Variants in STAT3 observed in about 807,000 individuals in gnomAD.
STAT3 encodes the protein DNA-binding protein APRF.
STAT3 carries 7 observed loss-of-function variants against 114.3 expected under a neutral mutation model. That is an observed-to-expected ratio of 0.06 (90% CI 0.03 to 0.11). The LOEUF (loss-of-function observed/expected upper bound fraction) is 0.11, where lower values mean the gene tolerates loss of function less well. Ranked by LOEUF, STAT3 falls within the 10% of genes least tolerant of loss-of-function variation. The pLI is 1.00. For missense variants in STAT3, 364 were observed against 960.9 expected (o/e 0.38, Z 8.21); for synonymous variants, 331 against 354.5 (o/e 0.93, Z 0.74).
chr17:42,353,954 C>T (rs2083098112), intron 1 of STAT3, among the ~76,000 whole-genome samples: 1 of 152,152 alleles, frequency 6.6e-6, no homozygotes, highest in African/African-American at 2.4e-5. Flanking sequence ...CAAATTAAAT[C>T]ATGAAACAGC....
At chr17:42,367,907 C>G (rs957971) in intron 1 of STAT3, among the ~76,000 whole-genome samples, 80,605 of 152,148 alleles carry the variant, frequency 0.53, 24,319 homozygotes, top group Admixed American at 0.71. Context: ...ACTGAAGTAC[C>G]ATAGGAGGTT....
chr17:42,326,591 G>A (rs1323425615), intron 14 of STAT3, among the ~76,000 whole-genome samples: 1 of 151,974 alleles, frequency 6.6e-6, no homozygotes, highest in Admixed American at 6.6e-5. Flanking sequence ...GGCCGAGGCA[G>A]GTGGATCACA....
At position 42,358,933 on chromosome 17, in the gene STAT3, CT is replaced by C. The variant is rs35099574; in HGVS notation, c.-23-10395del. On this transcript the variant is annotated intron_variant, in intron 1 of 23. Coordinates refer to ENST00000264657, the MANE Select transcript of STAT3 (RefSeq NM_139276.3). ...GTCTCCCTTTCATGGACATTTCTTA[CT>C]TTTTTTTTTTTTTTTTTTGAGATGT... Among the ~76,000 whole-genome samples the C allele has an allele frequency of 6.8e-3, 682 of 100,434 alleles. 12 individuals carry two copies. The highest frequency in any genetic ancestry group is 0.025 in the African/African-American group (641 of 25,500). 65.9% of individuals were successfully genotyped at this position (100,434 alleles called of 152,430 possible).
intron 8 of STAT3, 69 bp from the exon 9 acceptor site, chr17:42,334,118 G>C: frequency 3.2e-6 from 5 of 1,563,522 alleles, no homozygotes; most frequent in Non-Finnish European, 3.5e-6. Context: ...AGAAGGGGAA[G>C]GAAATACTGA....
At chr17:42,336,972 TTA>T (rs2082254089) in intron 8 of STAT3, among the ~76,000 whole-genome samples, 1 of 151,916 alleles carries the variant, frequency 6.6e-6, no homozygotes, top group Non-Finnish European at 1.5e-5. Context: ...AGTAAAAACT[TTA>T]TTTTATTTTT....
At chr17:42,370,498 G>C (rs1051279701) in intron 1 of STAT3, among the ~76,000 whole-genome samples, 1 of 150,756 alleles carries the variant, frequency 6.6e-6, no homozygotes, top group Non-Finnish European at 1.5e-5. Flanking sequence ...TGCCCATCTC[G>C]GGTGATCTGC....
chr17:42,386,458 T>C (rs12946874), intron 1 of STAT3, among the ~76,000 whole-genome samples: 1 of 152,142 alleles, frequency 6.6e-6, no homozygotes, highest in Non-Finnish European at 1.5e-5. Flanking sequence ...TCACAAGTCC[T>C]TTGTGGGTTA....
intron 1 of STAT3, among the ~76,000 whole-genome samples, chr17:42,353,347 C>CAAAAAAAAAAAA (rs10659012): frequency 1.2e-5 from 1 of 80,824 alleles, no homozygotes. Flanking sequence ...GACTGCATAT[C>CAAAAAAAAAAAA]AAAAAAAAAA....
At chr17:42,316,323 C>A in intron 23 of STAT3, 3 of 358,304 alleles carry the variant, frequency 8.4e-6, no homozygotes, top group South Asian at 4.4e-5. Flanking sequence ...GCAACCTCCA[C>A]CTCCCAGGCT....
intron 4 of STAT3, among the ~76,000 whole-genome samples, chr17:42,343,760 T>C (rs1179802274): frequency 2.6e-5 from 4 of 152,086 alleles, no homozygotes; most frequent in Non-Finnish European, 5.9e-5. Context: ...GCCCAGATCT[T>C]TACTTTCATT....
Position 42,333,753 on chromosome 17 carries a change from C to T in STAT3, c.969G>A (p.Val323=). The T allele has an allele frequency of 6.2e-7, 1 of 1,614,200 alleles. No individual in the cohort carries two copies. Among genetic ancestry groups the T allele is most frequent in the Non-Finnish European group, 8.5e-7 (1 of 1,180,044 alleles). ...GCATGGGCATGCAGGGCTGCCGCTC[C>T]ACCACAAAGGCACTGAGGAAAGAGA... ...FRNLMKSAFV[V]ERQPCMPMHP... The change falls in exon 10 of 24, where the codon GTG becomes GTA. Residue 323 remains valine, a synonymous_variant. Coordinates refer to ENST00000264657, the MANE Select transcript of STAT3 (RefSeq NM_139276.3). This position sits in a 1 kb window ranked among gnomAD's most constrained non-coding sequence, Gnocchi z 5.2.
chr17:42,327,695 A>G (rs2081791219), intron 14 of STAT3, among the ~76,000 whole-genome samples: 1 of 152,186 alleles, frequency 6.6e-6, no homozygotes, highest in Non-Finnish European at 1.5e-5. Flanking sequence ...GACTACAACA[A>G]TGTCTCACAT....
chr17:42,334,664 T>C (rs938892134), intron 8 of STAT3, among the ~76,000 whole-genome samples: 1 of 152,090 alleles, frequency 6.6e-6, no homozygotes, highest in Non-Finnish European at 1.5e-5. Context: ...AGGCTGGTCT[T>C]GAACTCCTGA....
chr17:42,378,264 G>T lies in STAT3; in HGVS notation c.-24+10015C>A, dbSNP rs547163228. Among the ~76,000 whole-genome samples, 4 of 151,140 alleles carry T rather than the reference G, an allele frequency of 2.6e-5. No individual in the cohort carries two copies. In the East Asian group the frequency reaches 5.8e-4, roughly 22 times the overall value. ...TATGCTTGTTTTTGTTTTTTTGGTT[G>T]TTTGAGACGGAGTCTCTGTTGCCCA... On this transcript the variant is annotated intron_variant, in intron 1 of 23. Transcript: ENST00000264657.
At chr17:42,360,337 C>T (rs1239991672) in intron 1 of STAT3, among the ~76,000 whole-genome samples, 1 of 151,274 alleles carries the variant, frequency 6.6e-6, no homozygotes, top group East Asian at 2.0e-4. Flanking sequence ...CCAGCTACTA[C>T]AGGAGTATTA....
intron 4 of STAT3, among the ~76,000 whole-genome samples, chr17:42,340,524 T>C (rs541504127): frequency 5.5e-5 from 8 of 146,088 alleles, no homozygotes; most frequent in Non-Finnish European, 9.3e-5. Flanking sequence ...AAAAAAAATT[T>C]TTTTTTAACT....
intron 18 of STAT3, 76 bp from the exon 19 acceptor site, chr17:42,323,430 C>T: frequency 6.4e-7 from 1 of 1,574,770 alleles, no homozygotes; most frequent in African/African-American, 1.3e-5. Context: ...CAGTGCATCA[C>T]CCAAATCCTC....
chr17:42,376,644 A>G (rs533965517), intron 1 of STAT3, among the ~76,000 whole-genome samples: 9 of 151,946 alleles, frequency 5.9e-5, no homozygotes, highest in African/African-American at 1.9e-4. Context: ...CAGGAGATAG[A>G]GACCATCCTG....
At chr17:42,367,395 A>G (rs2083863191) in intron 1 of STAT3, among the ~76,000 whole-genome samples, 1 of 150,312 alleles carries the variant, frequency 6.7e-6, no homozygotes, top group Non-Finnish European at 1.5e-5. Flanking sequence ...AAACCCACTC[A>G]GGAAAAAATC....
Sources: gnomAD v4.1 joint callset for allele counts (sites outside exome capture counted in the v4.1 genomes callset) on GRCh38, gnomAD v4.1.1 for gene constraint, Gnocchi (gnomAD v3.1) non-coding constraint, MANE v1.5 for transcripts, NCBI Gene and HGNC (gene_info 2026-07-23, HGNC 2026-07-21) for gene names.